The following LPAR1 variants were observed in gnomAD, a reference collection of about 807,000 sequenced individuals.
LPAR1 encodes the protein LPA receptor 1.
Under a neutral mutation model 23.8 loss-of-function variants are expected in LPAR1, and 5 were observed. The observed-to-expected ratio is 0.21, with a 90% CI of 0.11 to 0.44. The LOEUF (loss-of-function observed/expected upper bound fraction) is 0.44, where lower values mean the gene tolerates loss of function less well. LPAR1 is among the 20% of genes least tolerant of loss of function. The pLI is 0.99. For synonymous variants in LPAR1, 160 were observed against 164.7 expected, an observed-to-expected ratio of 0.97 and a Z score of 0.22; for missense variants, 311 against 482.8, an observed-to-expected ratio of 0.64 and a Z score of 3.33.
At chr9:110,899,102 T>A (rs2087652276) in intron 5 of LPAR1, among the ~76,000 whole-genome samples, 1 of 152,218 alleles carries the variant, frequency 6.6e-6, no homozygotes. Context: ...AAGAATGGAA[T>A]GTTAAGAATG....
At chr9:110,998,045 G>T (rs1285516787) in intron 2 of LPAR1, among the ~76,000 whole-genome samples, 1 of 152,160 alleles carries the variant, frequency 6.6e-6, no homozygotes, top group Non-Finnish European at 1.5e-5. Flanking sequence ...CCCACTGCAT[G>T]TCTGATTCAG....
At chr9:111,012,410 C>T (rs1348738653) in intron 2 of LPAR1, among the ~76,000 whole-genome samples, 2 of 152,038 alleles carry the variant, frequency 1.3e-5, no homozygotes, top group South Asian at 2.1e-4. Flanking sequence ...TTATCCTATG[C>T]TTGCCGAATT....
At chr9:110,951,447 GACAA>G (rs752903789) in intron 4 of LPAR1, among the ~76,000 whole-genome samples, 5 of 152,054 alleles carry the variant, frequency 3.3e-5, no homozygotes, top group Admixed American at 6.5e-5. Flanking sequence ...AAAGGGAAAA[GACAA>G]ACAATCCAAC....
Position 110,972,137 on chromosome 9 carries a change from G to A in LPAR1, c.-20C>T. 1 of 1,613,100 alleles carries A rather than the reference G, an allele frequency of 6.2e-7. No individual in the cohort carries two copies. Among genetic ancestry groups the A allele is most frequent in the Non-Finnish European group, 8.5e-7 (1 of 1,179,106 alleles). ...AGCCATGACAGCTCTGTGGTTGTAGGTGGTGAACACGCCCCAGAACTACGG... is the reference window on the plus strand; with the variant it reads ...AGCCATGACAGCTCTGTGGTTGTAGATGGTGAACACGCCCCAGAACTACGG... On this transcript the variant is annotated 5_prime_UTR_variant, in exon 4 of 6. Transcript: ENST00000683809.
chr9:110,950,248 C>T (rs1015166729), intron 4 of LPAR1, among the ~76,000 whole-genome samples: 1 of 151,874 alleles, frequency 6.6e-6, no homozygotes, highest in Admixed American at 6.6e-5. Flanking sequence ...TCACTTGAGG[C>T]CAGGAATTTG....
chr9:111,033,630 C>A (rs1344713236), intron 2 of LPAR1, among the ~76,000 whole-genome samples: 1 of 152,190 alleles, frequency 6.6e-6, no homozygotes, highest in African/African-American at 2.4e-5. Context: ...TGGCTCACTG[C>A]AACCTCTCCC....
At chr9:110,881,120 A>G (rs1399907664) in intron 5 of LPAR1, among the ~76,000 whole-genome samples, 1 of 152,114 alleles carries the variant, frequency 6.6e-6, no homozygotes, top group Non-Finnish European at 1.5e-5. Context: ...AAACTATATA[A>G]TTTACCTGAG....
Position 110,905,343 on chromosome 9 carries a change from T to A in LPAR1, c.794-29621A>T, listed in dbSNP as rs566086281. ...AAAACAAAATATGCCTTTGCTTTTT[T>A]TTATTATTTTTTTTTTTTTGCAGAA... On this transcript the variant is annotated intron_variant, in intron 5 of 5. Transcript: ENST00000683809. 3.9e-3 allele frequency among the ~76,000 whole-genome samples: 533 copies of A among 135,078 alleles called. 7 individuals are homozygous for A. The highest frequency in any genetic ancestry group is 0.017 in the African/African-American group (485 of 28,072). The allele number at this position is 135,078 out of a possible 152,430, so 88.6% of individuals were successfully genotyped here. A position where few individuals can be genotyped will look rare whatever the true frequency, so the allele number is the denominator to read the frequency against.
chr9:110,942,904 A>G (rs2095207669), intron 4 of LPAR1, among the ~76,000 whole-genome samples: 1 of 152,192 alleles, frequency 6.6e-6, no homozygotes, highest in Non-Finnish European at 1.5e-5. Context: ...CAAGTAAAAT[A>G]TACTTAGATT....
intron 5 of LPAR1, among the ~76,000 whole-genome samples, chr9:110,905,651 C>A (rs937904248): frequency 6.6e-6 from 1 of 152,134 alleles, no homozygotes; most frequent in African/African-American, 2.4e-5. Context: ...CGGCACCCAG[C>A]CTGCTATGTT....
chr9:110,911,781 C>G (rs1019305785), intron 5 of LPAR1, among the ~76,000 whole-genome samples: 12 of 152,082 alleles, frequency 7.9e-5, no homozygotes, highest in Middle Eastern at 6.8e-3. Flanking sequence ...ACCAGGAAAC[C>G]AAAAAATTTG....
intron 2 of LPAR1, among the ~76,000 whole-genome samples, chr9:111,021,875 C>T (rs895245028): frequency 1.4e-5 from 2 of 143,248 alleles, no homozygotes; most frequent in Non-Finnish European, 3.0e-5. Context: ...GCAGGAGAAT[C>T]GCTTGAACCA....
chr9:110,978,299 C>T (rs1448438814), intron 2 of LPAR1, among the ~76,000 whole-genome samples: 1 of 151,894 alleles, frequency 6.6e-6, no homozygotes, highest in Non-Finnish European at 1.5e-5. Context: ...TTTTAAAAAG[C>T]AAAAAATAAA....
intron 2 of LPAR1, among the ~76,000 whole-genome samples, chr9:111,023,833 A>G (rs2097618828): frequency 6.6e-6 from 1 of 152,224 alleles, no homozygotes; most frequent in Non-Finnish European, 1.5e-5. Context: ...AGAGTTTACT[A>G]TGTGTAGTAA....
chr9:110,965,953 G>C (rs764855402), intron 4 of LPAR1, among the ~76,000 whole-genome samples: 29 of 152,090 alleles, frequency 1.9e-4, no homozygotes, highest in Non-Finnish European at 3.4e-4. Flanking sequence ...CCATAAAAAA[G>C]AATAAGTTCA....
chr9:110,934,330 G>A (rs1322191444), intron 5 of LPAR1: 2 of 152,190 alleles, frequency 1.3e-5, no homozygotes, highest in Non-Finnish European at 2.9e-5. Flanking sequence ...ATCTCTTTGA[G>A]AGGATCCTTT....
intron 5 of LPAR1, among the ~76,000 whole-genome samples, chr9:110,927,698 G>A (rs1287003927): frequency 6.6e-6 from 1 of 151,918 alleles, no homozygotes; most frequent in Non-Finnish European, 1.5e-5. Context: ...TGTAAAATAA[G>A]GCCAAGGAAA....
chr9:110,988,026 ACAG>A (rs994081326), intron 2 of LPAR1, among the ~76,000 whole-genome samples: 3 of 152,124 alleles, frequency 2.0e-5, no homozygotes, highest in Non-Finnish European at 4.4e-5. Context: ...GATAAGAATG[ACAG>A]CAGATTTCTC....
intron 2 of LPAR1, among the ~76,000 whole-genome samples, chr9:111,009,450 T>C (rs1015519913): frequency 2.6e-5 from 4 of 152,152 alleles, no homozygotes; most frequent in Non-Finnish European, 4.4e-5. Context: ...TTCCTAAATA[T>C]TTTTTAAAAA....
Sources: allele counts gnomAD v4.1 joint callset (sites outside exome capture counted in the v4.1 genomes callset), GRCh38; gene constraint gnomAD v4.1.1; transcripts MANE v1.5; gene names NCBI Gene and HGNC (gene_info 2026-07-23, HGNC 2026-07-21).